The following OR1F1 variants were observed in gnomAD, a reference collection of about 807,000 sequenced individuals.
OR1F1 encodes olfactory receptor 1F1.
For missense variants in OR1F1, 493 were observed against 376.3 expected (o/e 1.31, Z -2.57); for synonymous variants, 184 against 156.7 (o/e 1.17, Z -1.30).
chr16:3,204,458 T>A (rs199866050), exon 1 of OR1F1: 2 of 1,614,144 alleles, frequency 1.2e-6, no homozygotes, highest in East Asian at 2.2e-5. Context: ...TTTGTGGACA[T>A]CTGCTTCTCC....
At chr16:3,205,633 G>A (rs188833091), downstream of OR1F1, among the ~76,000 whole-genome samples, 82 of 152,132 alleles carry the variant, frequency 5.4e-4, no homozygotes, top group African/African-American at 1.7e-3. Flanking sequence ...GACATGTATC[G>A]GTTCCCAAAA....
chr16:3,203,216 G>A (rs1005530600), upstream of OR1F1, among the ~76,000 whole-genome samples: 1 of 152,206 alleles, frequency 6.6e-6, no homozygotes, highest in Non-Finnish European at 1.5e-5. Context: ...TTTTCTCAAT[G>A]AGGCTCTCAG....
upstream of OR1F1, among the ~76,000 whole-genome samples, chr16:3,200,142 A>G (rs1045503163): frequency 2.0e-5 from 3 of 152,142 alleles, no homozygotes; most frequent in African/African-American, 7.2e-5. Context: ...GACTCCCTTT[A>G]TGGGAGCCTT....
At chr16:3,192,059 C>G in the OR1F1 span, among the ~76,000 whole-genome samples, 1 of 151,988 alleles carries the variant, frequency 6.6e-6, no homozygotes, top group Non-Finnish European at 1.5e-5. Context: ...CCGGACGAGC[C>G]CCTCTTCTTA....
At chr16:3,196,184 C>A in the OR1F1 span, among the ~76,000 whole-genome samples, 1 of 152,220 alleles carries the variant, frequency 6.6e-6, no homozygotes, top group African/African-American at 2.4e-5. Context: ...GAGCACAAGA[C>A]TCTTAATCTC....
chr16:3,202,976 G>T (rs545776335), upstream of OR1F1, among the ~76,000 whole-genome samples: 1 of 150,436 alleles, frequency 6.6e-6, no homozygotes, highest in African/African-American at 2.5e-5. Context: ...CTTAATCCCA[G>T]TACAGCTTCA....
chr16:3,199,958 G>A (rs1260602265), upstream of OR1F1, among the ~76,000 whole-genome samples: 2 of 151,776 alleles, frequency 1.3e-5, no homozygotes, highest in Non-Finnish European at 2.9e-5. Context: ...GGAGGTTGTG[G>A]TGAACCGAGA....
chr16:3,195,729 T>C, the OR1F1 span, among the ~76,000 whole-genome samples: 1 of 149,608 alleles, frequency 6.7e-6, no homozygotes, highest in Non-Finnish European at 1.5e-5. Flanking sequence ...TGATACAGAA[T>C]CCACCCTCTT....
At chr16:3,201,585 G>A (rs565425448), upstream of OR1F1, among the ~76,000 whole-genome samples, 46 of 152,276 alleles carry the variant, frequency 3.0e-4, no homozygotes, top group African/African-American at 8.4e-4. Flanking sequence ...CTGGATTCCC[G>A]CATGGAATGG....
upstream of OR1F1, among the ~76,000 whole-genome samples, chr16:3,203,510 A>G (rs1450282983): frequency 1.3e-5 from 2 of 152,372 alleles, no homozygotes; most frequent in East Asian, 3.9e-4. Context: ...TCACGCCTGT[A>G]ATCCCAGCAC....
chr16:3,191,517 C>A, the OR1F1 span, among the ~76,000 whole-genome samples: 1 of 152,172 alleles, frequency 6.6e-6, no homozygotes, highest in Non-Finnish European at 1.5e-5. Context: ...CTAGCTCAGT[C>A]GGTAGAGCAT....
chr16:3,202,578 C>T (rs556615706), upstream of OR1F1, among the ~76,000 whole-genome samples: 94 of 151,740 alleles, frequency 6.2e-4, 1 homozygote, highest in Non-Finnish European at 1.2e-3. Flanking sequence ...GACGAATTCT[C>T]GCTCTGTTGC....
chr16:3,191,059 A>ACTT, the OR1F1 span, among the ~76,000 whole-genome samples: 26 of 152,284 alleles, frequency 1.7e-4, no homozygotes, highest in Admixed American at 1.6e-3. Context: ...ACCTGCGAGG[A>ACTT]CTTCTGTGAG....
chr16:3,205,481 AAT>A (rs939324269), downstream of OR1F1, among the ~76,000 whole-genome samples: 3 of 127,098 alleles, frequency 2.4e-5, no homozygotes, highest in Non-Finnish European at 3.5e-5. Context: ...TGCCTAGCTA[AAT>A]TTTTTTTTTT....
chr16:3,200,718 G>A (rs1567205616), upstream of OR1F1, among the ~76,000 whole-genome samples: 1 of 152,300 alleles, frequency 6.6e-6, no homozygotes, highest in East Asian at 1.9e-4. Flanking sequence ...ACTGAAGATA[G>A]CTTTGCTTTA....
upstream of OR1F1, among the ~76,000 whole-genome samples, chr16:3,200,679 G>C (rs1958126711): frequency 1.3e-5 from 2 of 152,162 alleles, no homozygotes; most frequent in African/African-American, 4.8e-5. Context: ...AGATCAGAAT[G>C]CACATGCTCT....
chr16:3,205,738 A>G (rs1958200346), downstream of OR1F1, among the ~76,000 whole-genome samples: 2 of 152,316 alleles, frequency 1.3e-5, no homozygotes, highest in Non-Finnish European at 2.9e-5. Context: ...CCCGAAATTA[A>G]CACTTATAAT....
chr16:3,198,871 C>T, the OR1F1 span, among the ~76,000 whole-genome samples: 3 of 151,814 alleles, frequency 2.0e-5, no homozygotes, highest in Admixed American at 1.3e-4. Flanking sequence ...ATGGGAGGAT[C>T]GCTTGAGCCC....
At chr16:3,191,571 G>A in the OR1F1 span, among the ~76,000 whole-genome samples, 4 of 151,572 alleles carry the variant, frequency 2.6e-5, no homozygotes, top group Non-Finnish European at 5.9e-5. Flanking sequence ...CCCACGTTGG[G>A]CGACTTGTTT....
Sources: allele counts gnomAD v4.1 joint callset (sites outside exome capture counted in the v4.1 genomes callset), GRCh38; gene constraint gnomAD v4.1.1; transcripts MANE v1.5; gene names NCBI Gene and HGNC (gene_info 2026-07-23, HGNC 2026-07-21).